The following PSEN1 variants were observed in gnomAD, a reference collection of about 807,000 sequenced individuals.
PSEN1 encodes the protein presenilin 1, also known as presenilin-1.
A neutral mutation model predicts 53.5 loss-of-function variants in PSEN1; 15 were observed. That is an observed-to-expected ratio of 0.28 (90% confidence interval 0.19 to 0.43). The LOEUF (loss-of-function observed/expected upper bound fraction) is 0.43. Ranked by LOEUF, PSEN1 falls within the 20% of genes least tolerant of loss-of-function variation. PSEN1 has a pLI of 1.00. For missense variants in PSEN1, 387 were observed against 571.2 expected (o/e 0.68, Z 3.29); for synonymous variants, 208 against 209.8 (o/e 0.99, Z 0.08).
At chr14:73,216,122 A>G (rs935063628) in intron 10 of PSEN1, among the ~76,000 whole-genome samples, 10 of 152,372 alleles carry the variant, frequency 6.6e-5, no homozygotes, top group African/African-American at 1.7e-4. Flanking sequence ...AACTTCCAAG[A>G]AACTGTAGAC....
chr14:73,218,851 T>A (rs1900034364), intron 11 of PSEN1, among the ~76,000 whole-genome samples: 1 of 152,254 alleles, frequency 6.6e-6, no homozygotes, highest in Non-Finnish European at 1.5e-5. Flanking sequence ...CTGTATCTTT[T>A]AATTTTTTTC....
At chr14:73,213,857 G>T (rs1899800980) in intron 10 of PSEN1, among the ~76,000 whole-genome samples, 1 of 152,190 alleles carries the variant, frequency 6.6e-6, no homozygotes, top group Admixed American at 6.5e-5. Context: ...TGTTGGTGAG[G>T]ATGCGAAGAA....
At chr14:73,202,752 G>A (rs906482127) in intron 8 of PSEN1, among the ~76,000 whole-genome samples, 6 of 151,296 alleles carry the variant, frequency 4.0e-5, no homozygotes, top group African/African-American at 9.7e-5. Context: ...GATTACAGGC[G>A]TGAGCCACCG....
At position 73,219,196 on chromosome 14, in the gene PSEN1, C is replaced by A. The variant is rs201453174; in HGVS notation, c.1311C>A (p.Ile437=). 6.2e-7 allele frequency: 1 copy of A among 1,613,746 alleles called. No individual in the cohort carries two copies. Among genetic ancestry groups the A allele is most frequent in the Non-Finnish European group, 8.5e-7 (1 of 1,179,596 alleles). Residue 437 remains isoleucine (I), a synonymous_variant, in exon 12 of 12, where the codon ATC becomes ATA. Transcript: ENST00000324501. ...AGAAAGCATTGCCAGCTCTTCCAATCTCCATCACCTTTGGGCTTGTTTTCT... is the reference window on the plus strand; with the variant it reads ...AGAAAGCATTGCCAGCTCTTCCAATATCCATCACCTTTGGGCTTGTTTTCT... ...IFKKALPALP[I]SITFGLVFYF...
intron 8 of PSEN1, among the ~76,000 whole-genome samples, chr14:73,202,735 G>A (rs796521780): frequency 3.8e-4 from 58 of 151,338 alleles, no homozygotes; most frequent in African/African-American, 1.2e-3. Context: ...GCCTCCCAAA[G>A]TGCTGGGATT....
At chr14:73,188,408 C>T (rs1898595154) in intron 6 of PSEN1, among the ~76,000 whole-genome samples, 1 of 152,092 alleles carries the variant, frequency 6.6e-6, no homozygotes, top group East Asian at 1.9e-4. Context: ...AATCTCAATA[C>T]TCTGGGAGGC....
intron 1 of PSEN1, among the ~76,000 whole-genome samples, chr14:73,137,784 A>G (rs1594951031): frequency 6.6e-6 from 1 of 152,176 alleles, no homozygotes; most frequent in African/African-American, 2.4e-5. Context: ...AGCGCTAGCC[A>G]ATAGAAATAA....
chr14:73,145,433 C>T (rs1473290586), intron 1 of PSEN1, among the ~76,000 whole-genome samples: 2 of 152,046 alleles, frequency 1.3e-5, no homozygotes, highest in Non-Finnish European at 2.9e-5. Flanking sequence ...TTTCTTGGCT[C>T]CAGTGATCCT....
At chr14:73,202,466 T>TA (rs1566648452) in intron 8 of PSEN1, among the ~76,000 whole-genome samples, 71 of 33,102 alleles carry the variant, frequency 2.1e-3, no homozygotes, top group African/African-American at 6.9e-3. Context: ...ATATATATTT[T>TA]TTTTTTTTTT....
At chr14:73,183,457 T>G (rs550954569) in intron 5 of PSEN1, among the ~76,000 whole-genome samples, 1 of 152,226 alleles carries the variant, frequency 6.6e-6, no homozygotes, top group Non-Finnish European at 1.5e-5. Context: ...TTCCGCAGTG[T>G]TTGTGTCCCT....
chr14:73,208,538 C>T (rs1217019588), intron 9 of PSEN1, among the ~76,000 whole-genome samples: 1 of 152,140 alleles, frequency 6.6e-6, no homozygotes, highest in East Asian at 1.9e-4. Context: ...CAGGTCATCC[C>T]ATCATCTCTG....
At chr14:73,170,697 G>T (rs1897858718) in intron 3 of PSEN1, 100 bp from the exon 4 acceptor site, 2 of 1,281,040 alleles carry the variant, frequency 1.6e-6, no homozygotes, top group East Asian at 2.4e-5. Context: ...CAGGTTTTTA[G>T]AACTCATAGT....
At chr14:73,182,037 CTG>C (rs1300997450) in intron 5 of PSEN1, among the ~76,000 whole-genome samples, 1 of 152,144 alleles carries the variant, frequency 6.6e-6, no homozygotes, top group East Asian at 1.9e-4. Flanking sequence ...GCCTCCCAAA[CTG>C]CTGGGATAAC....
chr14:73,202,662 C>T (rs1322233690), intron 8 of PSEN1, among the ~76,000 whole-genome samples: 6 of 149,864 alleles, frequency 4.0e-5, no homozygotes, highest in Admixed American at 6.7e-5. Flanking sequence ...TTAGTAGAGA[C>T]GGGGTTTCAC....
intron 8 of PSEN1, among the ~76,000 whole-genome samples, chr14:73,203,436 C>G (rs1899314144): frequency 6.6e-6 from 1 of 152,054 alleles, no homozygotes; most frequent in South Asian, 2.1e-4. Context: ...TTACATTTTT[C>G]TTACATTTTT....
Position 73,220,593 on chromosome 14 carries a change from G to A in PSEN1, c.*1304G>A, listed in dbSNP as rs145022303. On this transcript the variant is annotated 3_prime_UTR_variant, in exon 12 of 12. Transcript: ENST00000324501. ...GCAGAAGGAGAACCAACTGCCAAGGGGAAAGAGAAGGGGCCTCCAGCAGCG... is the reference window on the plus strand; with the variant it reads ...GCAGAAGGAGAACCAACTGCCAAGGAGAAAGAGAAGGGGCCTCCAGCAGCG... 1.3e-5 allele frequency: 2 copies of A among 152,312 alleles called. No individual in the cohort carries two copies. Among genetic ancestry groups the A allele is most frequent in the East Asian group, 1.9e-4 (1 of 5,190 alleles). 9.4% of individuals were successfully genotyped at this position (152,312 alleles called of 1,614,324 possible).
At chr14:73,186,375 G>A (rs964252642) in intron 5 of PSEN1, among the ~76,000 whole-genome samples, 20 of 151,442 alleles carry the variant, frequency 1.3e-4, no homozygotes, top group South Asian at 6.3e-4. Context: ...GCGAAACTCC[G>A]TCTCAGAAAA....
intron 3 of PSEN1, among the ~76,000 whole-genome samples, chr14:73,159,851 C>G (rs1241776036): frequency 6.6e-6 from 1 of 152,130 alleles, no homozygotes; most frequent in East Asian, 1.9e-4. Flanking sequence ...ATGACAAGAT[C>G]TCACTCCGTT....
Position 73,193,822 on chromosome 14 carries a change from A to G in PSEN1, c.769+958A>G, listed in dbSNP as rs115322640. 4.8e-3 allele frequency among the ~76,000 whole-genome samples: 732 copies of G among 151,656 alleles called. 4 individuals carry two copies. Among genetic ancestry groups the G allele is most frequent in the Middle Eastern group, 0.017 (5 of 292 alleles). Reference sequence around the variant, plus strand: ...CAGGTGTGCACCACCATGCCTGACTAACTTGTTTATTTTTTGTAGAGAGAA... The same window carrying G: ...CAGGTGTGCACCACCATGCCTGACTGACTTGTTTATTTTTTGTAGAGAGAA... On this transcript the variant is annotated intron_variant, in intron 7 of 11. Coordinates refer to ENST00000324501, the MANE Select transcript of PSEN1 (RefSeq NM_000021.4).
Sources: gnomAD v4.1 joint callset for allele counts (sites outside exome capture counted in the v4.1 genomes callset) on GRCh38, gnomAD v4.1.1 for gene constraint, MANE v1.5 for transcripts, NCBI Gene and HGNC (gene_info 2026-07-23, HGNC 2026-07-21) for gene names.